Variants in BRIP1 observed in about 807,000 individuals in gnomAD.
BRIP1 encodes the protein BRCA1 interacting DNA helicase 1.
In BRIP1, 88 loss-of-function variants were observed where a neutral mutation model predicts 119.7. That is an observed-to-expected ratio of 0.74 (90% CI 0.62 to 0.88). The LOEUF is 0.88. Among genes scored for constraint, BRIP1 ranks in the 40% least tolerant of loss-of-function variants. The pLI is 0.00. For missense variants in BRIP1, 1,259 were observed against 1,455.4 expected (o/e 0.87, Z 2.20); for synonymous variants, 443 against 496.5 (o/e 0.89, Z 1.43).
intron 17 of BRIP1, among the ~76,000 whole-genome samples, chr17:61,698,237 C>T (rs1465277384): frequency 6.6e-6 from 1 of 152,064 alleles, no homozygotes; most frequent in African/African-American, 2.4e-5. Context: ...TCTTCTTTGA[C>T]CCACTGGTTG....
rs2077042919 is a variant in BRIP1, at chr17:61,745,158, T to C, written c.2098-567A>G. Reference sequence around the variant, plus strand: ...ATTAATAACCTGCATTGAAAAAAGATAGAAATAAAGACTCAGCCAAGAAGT... The same window carrying C: ...ATTAATAACCTGCATTGAAAAAAGACAGAAATAAAGACTCAGCCAAGAAGT... On this transcript the variant is annotated intron_variant, in intron 14 of 19. Transcript: ENST00000259008. This position sits in a 1 kb window ranked among gnomAD's most constrained non-coding sequence, Gnocchi z 4.4. Among the ~76,000 whole-genome samples, 1 of 152,126 alleles carries C rather than the reference T, an allele frequency of 6.6e-6. No homozygotes were observed. The highest frequency in any genetic ancestry group is 1.5e-5 in the Non-Finnish European group (1 of 68,028).
In BRIP1 at chr17:61,808,730, A is replaced by G. The variant is rs730881630; in HGVS notation, c.655T>C (p.Cys219Arg). ...TGACTGTTTCCTTGTTTAGTAGAAC[A>G]ACAGCACCTAGAACAGTGGCCAGGG... Reference protein sequence around the residue: ...KPPGHCSRCCCSTKQGNSQES... With the variant: ...KPPGHCSRCCRSTKQGNSQES... Residue 219 changes from cysteine (C) to arginine (R), a missense_variant, in exon 7 of 20, where the codon TGT becomes CGT. Physicochemically the swap from Cys to Arg is radical, Grantham distance 180. Transcript: ENST00000259008. This position sits in a 1 kb window ranked among gnomAD's most constrained non-coding sequence, Gnocchi z 4.1. The G allele has an allele frequency of 4.3e-5, 69 of 1,613,474 alleles. No individual in the cohort carries two copies. Among genetic ancestry groups the G allele is most frequent in the Non-Finnish European group, 5.8e-5 (69 of 1,179,954 alleles).
chr17:61,782,951 G>A (rs997202349), intron 11 of BRIP1, among the ~76,000 whole-genome samples: 7 of 152,182 alleles, frequency 4.6e-5, no homozygotes, highest in Non-Finnish European at 5.9e-5. Context: ...AATGAGAATG[G>A]AAAATAATGC....
In BRIP1 at chr17:61,857,331, T is replaced by G; in HGVS notation, c.206-100A>C. On this transcript the variant is annotated intron_variant, in intron 3 of 19. Coordinates refer to ENST00000259008, the MANE Select transcript of BRIP1 (RefSeq NM_032043.3). This position sits in a 1 kb window ranked among gnomAD's most constrained non-coding sequence, Gnocchi z 5.1. ...CCCAGGATTGGGAGGTTTCCTAAGATAAAAGATTTTTAGGGCTAACACCAG... is the reference window on the plus strand; with the variant it reads ...CCCAGGATTGGGAGGTTTCCTAAGAGAAAAGATTTTTAGGGCTAACACCAG... 8.6e-7 allele frequency: 1 copy of G among 1,157,314 alleles called. No individual in the cohort carries two copies. Among genetic ancestry groups the G allele is most frequent in the East Asian group, 2.6e-5 (1 of 38,478 alleles). The allele number at this position is 1,157,314 out of a possible 1,614,324, so 71.7% of individuals were successfully genotyped here. A position where few individuals can be genotyped will look rare whatever the true frequency, so the allele number is the denominator to read the frequency against.
chr17:61,693,322 G>A lies in BRIP1; in HGVS notation c.2575+108C>T. On this transcript the variant is annotated intron_variant, in intron 18 of 19. Transcript: ENST00000259008. This position sits in a 1 kb window ranked among gnomAD's most constrained non-coding sequence, Gnocchi z 4.2. ...TACTGTGCTTATAGTTAACAATATT[G>A]TACTGTGCACTTAATAAGATAGTAG... is the stretch of plus-strand genomic sequence containing the variant. The A allele has an allele frequency of 2.0e-6, 2 of 988,904 alleles. No individual in the cohort carries two copies. Among genetic ancestry groups the A allele is most frequent in the African/African-American group, 1.6e-5 (1 of 62,784 alleles). 61.3% of individuals were successfully genotyped at this position (988,904 alleles called of 1,614,324 possible). A position where few individuals can be genotyped will look rare whatever the true frequency, so the allele number is the denominator to read the frequency against.
rs2078447720 is a variant in BRIP1, at chr17:61,828,842, G to A, written c.627+18259C>T. On this transcript the variant is annotated intron_variant, in intron 6 of 19. Transcript: ENST00000259008. The surrounding 1 kb of genome is among the most constrained non-coding windows in gnomAD (Gnocchi z 4.1). The stretch of plus-strand genomic sequence containing the variant: ...ATTTGACAAAAATGGCACAAAACAT[G>A]GGAGAGTAGACACGGAAGTATATTG... Among the ~76,000 whole-genome samples the A allele has an allele frequency of 1.3e-5, 2 of 152,118 alleles. No individual in the cohort carries two copies. Among genetic ancestry groups the A allele is most frequent in the Non-Finnish European group, 2.9e-5 (2 of 68,002 alleles).
At position 61,815,756 on chromosome 17, in the gene BRIP1, A is replaced by G. The variant is rs953131696; in HGVS notation, c.628-6999T>C. ...GATTGTTTTCATCTACCACTTAAGC[A>G]AAAAAGCAAAACACTGCCCTTTATT... On this transcript the variant is annotated intron_variant, in intron 6 of 19. Transcript: ENST00000259008. This position sits in a 1 kb window ranked among gnomAD's most constrained non-coding sequence, Gnocchi z 4.1. Among the ~76,000 whole-genome samples, 14 of 152,326 alleles carry G rather than the reference A, an allele frequency of 9.2e-5. No individual in the cohort carries two copies. Among genetic ancestry groups the G allele is most frequent in the African/African-American group, 3.4e-4 (14 of 41,580 alleles).
Position 61,848,932 on chromosome 17 carries a change from CAT to C in BRIP1, c.507+195_507+196del, listed in dbSNP as rs1393257342. Among the ~76,000 whole-genome samples, 2 of 152,166 alleles carry C rather than the reference CAT, an allele frequency of 1.3e-5. No individual in the cohort carries two copies. The highest frequency in any genetic ancestry group is 1.5e-5 in the Non-Finnish European group (1 of 68,036). On this transcript the variant is annotated intron_variant, in intron 5 of 19. Transcript: ENST00000259008. The surrounding 1 kb of genome is among the most constrained non-coding windows in gnomAD (Gnocchi z 4.3). ...ACACCATGCAGTTTCACTTGAACGA[CAT>C]GTTACTGTGAATAATCTGCTATAAT...
rs965124936 is a variant in BRIP1, at chr17:61,846,220, T to C, written c.627+881A>G. 2.1e-5 allele frequency among the ~76,000 whole-genome samples: 3 copies of C among 145,788 alleles called. No homozygotes were observed. Among genetic ancestry groups the C allele is most frequent in the African/African-American group, 7.4e-5 (3 of 40,554 alleles). ...AAATAAATAAATTTAAAAAATTATA[T>C]ACATATAGAGAGAGAGAGAGAGAAA... On this transcript the variant is annotated intron_variant, in intron 6 of 19. Transcript: ENST00000259008. This position sits in a 1 kb window ranked among gnomAD's most constrained non-coding sequence, Gnocchi z 4.3.
chr17:61,808,879 A>C lies in BRIP1; in HGVS notation c.628-122T>G, dbSNP rs1037093334. 2.9e-6 allele frequency: 3 copies of C among 1,018,918 alleles called. No individual in the cohort carries two copies. Among genetic ancestry groups the C allele is most frequent in the Non-Finnish European group, 4.3e-6 (3 of 695,298 alleles). 63.1% of individuals were successfully genotyped at this position (1,018,918 alleles called of 1,614,324 possible). ...CAATGGTCAAATAAAGAGAAATAAC[A>C]AGAAATTATAGTATCTAAAACTTGC... On this transcript the variant is annotated intron_variant, in intron 6 of 19. Coordinates refer to ENST00000259008, the MANE Select transcript of BRIP1 (RefSeq NM_032043.3). The surrounding 1 kb of genome is among the most constrained non-coding windows in gnomAD (Gnocchi z 4.1).
In BRIP1 at chr17:61,860,753, CA is replaced by C. The variant is rs1213380539; in HGVS notation, c.93+693del. 6.6e-6 allele frequency among the ~76,000 whole-genome samples: 1 copy of C among 152,042 alleles called. No individual in the cohort carries two copies. The highest frequency in any genetic ancestry group is 1.5e-5 in the Non-Finnish European group (1 of 68,002). On this transcript the variant is annotated intron_variant, in intron 2 of 19. Coordinates refer to ENST00000259008, the MANE Select transcript of BRIP1 (RefSeq NM_032043.3). This position sits in a 1 kb window ranked among gnomAD's most constrained non-coding sequence, Gnocchi z 4.1. ...AAATGTCTACCAATAAGAAAATGGA[CA>C]GATAAATTCTGGTATATTCATCCAA...
chr17:61,765,429 T>A (rs1369096466), intron 14 of BRIP1, among the ~76,000 whole-genome samples: 41 of 46,424 alleles, frequency 8.8e-4, no homozygotes, highest in Admixed American at 1.4e-3. Context: ...ATATATTTTT[T>A]TTTTTTTTTT....
rs577091597 is a variant in BRIP1, at chr17:61,816,221, G to A, written c.628-7464C>T. ...TTCAAGATGTCAATCAGCAGGTAGG[G>A]GATCAGATACAGTGTCAGGTGAGAG... On this transcript the variant is annotated intron_variant, in intron 6 of 19. Coordinates refer to ENST00000259008, the MANE Select transcript of BRIP1 (RefSeq NM_032043.3). The surrounding 1 kb of genome is among the most constrained non-coding windows in gnomAD (Gnocchi z 5.0). Among the ~76,000 whole-genome samples, 24 of 152,250 alleles carry A rather than the reference G, an allele frequency of 1.6e-4. No individual in the cohort carries two copies. The South Asian group carries it at 3.1e-3, about 20-fold the overall frequency.
rs1271843775 is a variant in BRIP1, at chr17:61,735,992, G to A, written c.2379+7021C>T. 6.6e-6 allele frequency among the ~76,000 whole-genome samples: 1 copy of A among 151,904 alleles called. No individual in the cohort carries two copies. The highest frequency in any genetic ancestry group is 2.4e-5 in the African/African-American group (1 of 41,338). On this transcript the variant is annotated intron_variant, in intron 16 of 19. Coordinates refer to ENST00000259008, the MANE Select transcript of BRIP1 (RefSeq NM_032043.3). The surrounding 1 kb of genome is among the most constrained non-coding windows in gnomAD (Gnocchi z 4.4). ...CAATGGAAACTGAGATAATAAATGT[G>A]TGTTAAGCCACTATGTGATAATTTG...
At chr17:61,787,936 G>A (rs984748096) in intron 10 of BRIP1, among the ~76,000 whole-genome samples, 3 of 152,134 alleles carry the variant, frequency 2.0e-5, no homozygotes, top group Non-Finnish European at 4.4e-5. Flanking sequence ...GAGCCACTGC[G>A]CCTGGCCCAG....
At chr17:61,817,804 G>A (rs1177429860) in intron 6 of BRIP1, among the ~76,000 whole-genome samples, 1 of 152,096 alleles carries the variant, frequency 6.6e-6, no homozygotes, top group Non-Finnish European at 1.5e-5. Context: ...AATTCTCTTC[G>A]TAAATTCAAG....
Position 61,830,983 on chromosome 17 carries a change from A to G in BRIP1, c.627+16118T>C, listed in dbSNP as rs542780551. 7.9e-5 allele frequency among the ~76,000 whole-genome samples: 12 copies of G among 152,348 alleles called. No homozygotes were observed. The South Asian group carries it at 1.0e-3, about 13-fold the overall frequency. On this transcript the variant is annotated intron_variant, in intron 6 of 19. Coordinates refer to ENST00000259008, the MANE Select transcript of BRIP1 (RefSeq NM_032043.3). ...CAGGCCAACATTCAAAAACTAATCA[A>G]TGTAATTTACCATATCAACAGGATA...
At chr17:61,847,251 G>T (rs4988344) in intron 5 of BRIP1, 31 bp from the exon 6 acceptor site, 2 of 1,612,206 alleles carry the variant, frequency 1.2e-6, no homozygotes, top group Non-Finnish European at 1.7e-6. Flanking sequence ...TGAAGTTTAA[G>T]GTGAACTAGA....
Position 61,684,249 on chromosome 17 carries a change from T to C in BRIP1, c.2906-109A>G. The C allele has an allele frequency of 8.0e-7, 1 of 1,251,010 alleles. No individual in the cohort carries two copies. The highest frequency in any genetic ancestry group is 1.5e-5 in the South Asian group (1 of 68,430). 77.5% of individuals were successfully genotyped at this position (1,251,010 alleles called of 1,614,324 possible). A position where few individuals can be genotyped will look rare whatever the true frequency, so the allele number is the denominator to read the frequency against. ...TACCTAAATAACTGTATAGGATACATAACTTAGAGCCCCCAACGAATACTA... is the reference window on the plus strand; with the variant it reads ...TACCTAAATAACTGTATAGGATACACAACTTAGAGCCCCCAACGAATACTA... On this transcript the variant is annotated intron_variant, in intron 19 of 19. Transcript: ENST00000259008. The surrounding 1 kb of genome is among the most constrained non-coding windows in gnomAD (Gnocchi z 4.5).
Sources: gnomAD v4.1 joint callset for allele counts (sites outside exome capture counted in the v4.1 genomes callset) on GRCh38, gnomAD v4.1.1 for gene constraint, Gnocchi (gnomAD v3.1) non-coding constraint, MANE v1.5 for transcripts, NCBI Gene and HGNC (gene_info 2026-07-23, HGNC 2026-07-21) for gene names.